The following MBTPS1 variants were observed in gnomAD, a reference collection of about 807,000 sequenced individuals.
The protein encoded by MBTPS1 is membrane bound transcription factor peptidase, site 1, also known as membrane-bound transcription factor site-1 protease.
MBTPS1 carries 94 observed loss-of-function variants against 127.8 expected under a neutral mutation model. The observed-to-expected ratio is 0.74, with a 90% confidence interval of 0.62 to 0.87. The LOEUF is 0.87. Among genes scored for constraint, MBTPS1 ranks in the 40% least tolerant of loss-of-function variants. The pLI is 0.00. For synonymous variants in MBTPS1, 632 were observed against 509.4 expected, an observed-to-expected ratio of 1.24 and a Z score of -3.24; for missense variants, 1,636 against 1,353.2, an observed-to-expected ratio of 1.21 and a Z score of -3.28.
intron 11 of MBTPS1, among the ~76,000 whole-genome samples, chr16:84,080,435 G>C (rs539356300): frequency 6.6e-6 from 1 of 152,368 alleles, no homozygotes; most frequent in South Asian, 2.1e-4. Flanking sequence ...ACAAGACACT[G>C]AGAAGTCACA....
At chr16:84,081,351 AT>A (rs1376773032) in intron 11 of MBTPS1, among the ~76,000 whole-genome samples, 1 of 152,242 alleles carries the variant, frequency 6.6e-6, no homozygotes, top group Non-Finnish European at 1.5e-5. Context: ...CAGTGTTTGT[AT>A]GACAGTTTTA....
At chr16:84,077,457 G>A (rs549804009) in intron 11 of MBTPS1, among the ~76,000 whole-genome samples, 1 of 152,198 alleles carries the variant, frequency 6.6e-6, no homozygotes, top group African/African-American at 2.4e-5. Context: ...TGAAAACTTA[G>A]TACATAATAA....
intron 1 of MBTPS1, among the ~76,000 whole-genome samples, chr16:84,111,466 G>A (rs943295798): frequency 5.9e-5 from 9 of 151,988 alleles, no homozygotes; most frequent in Admixed American, 1.3e-4. Flanking sequence ...ACTTGAACCC[G>A]GGAGGCAGAG....
At chr16:84,091,070 G>A in intron 7 of MBTPS1, 128 bp from the exon 8 acceptor site, 1 of 740,532 alleles carries the variant, frequency 1.4e-6, no homozygotes, top group Non-Finnish European at 2.3e-6. Context: ...CCATTATAAA[G>A]GCGGATGTGC....
intron 11 of MBTPS1, among the ~76,000 whole-genome samples, chr16:84,076,936 C>T (rs2085862372): frequency 6.6e-6 from 1 of 152,028 alleles, no homozygotes; most frequent in Non-Finnish European, 1.5e-5. Context: ...GCAAGAATAG[C>T]CAAGAAGGGC....
chr16:84,089,590 TCCC>T (rs2086075410), intron 8 of MBTPS1, among the ~76,000 whole-genome samples: 1 of 152,158 alleles, frequency 6.6e-6, no homozygotes, highest in Non-Finnish European at 1.5e-5. Context: ...CATGGTGCTC[TCCC>T]CCTGCTGTCT....
chr16:84,114,445 G>T (rs78445284), intron 1 of MBTPS1, among the ~76,000 whole-genome samples: 7,481 of 151,978 alleles, frequency 0.049, 237 homozygotes, highest in Non-Finnish European at 0.076. Flanking sequence ...CATCACTCTT[G>T]TCTCCTTTTA....
At position 84,054,515 on chromosome 16, in the gene MBTPS1, C is replaced by A; in HGVS notation, c.3093G>T (p.Arg1031Ser). ...GCTGCGGGCGCTTCACCCTGGGCTT[C>A]CTCCGCTTCGGCCTGCTCTTGGCCT... Reference protein sequence around the residue: ...INKAKSRPKRRKPRVKRPQLM... With the variant: ...INKAKSRPKRSKPRVKRPQLM... The change falls in exon 23 of 23, where the codon AGG (arginine) becomes AGT (serine). Residue 1031 changes from arginine to serine, a missense_variant. By Grantham distance (110) the Arg-to-Ser change is moderately radical. Transcript: ENST00000343411. 1 of 1,613,892 alleles carries A rather than the reference C, an allele frequency of 6.2e-7. No homozygotes were observed. The highest frequency in any genetic ancestry group is 8.5e-7 in the Non-Finnish European group (1 of 1,179,876).
chr16:84,075,167 G>A (rs2085834989), intron 11 of MBTPS1: 1 of 153,310 alleles, frequency 6.5e-6, no homozygotes, highest in Non-Finnish European at 1.5e-5. Context: ...GAGAGCTTAG[G>A]AAGCTGCGCC....
intron 21 of MBTPS1, chr16:84,058,113 A>G (rs150631220): frequency 5.3e-5 from 8 of 152,226 alleles, no homozygotes; most frequent in African/African-American, 1.9e-4. Flanking sequence ...TGGAATGGAA[A>G]AGTACCCAGT....
chr16:84,081,954 T>C, intron 10 of MBTPS1, 46 bp from the exon 11 acceptor site: 1 of 1,335,700 alleles, frequency 7.5e-7, no homozygotes, highest in Non-Finnish European at 9.7e-7. Context: ...AGTAAAAGAA[T>C]GGAAATTGGA....
intron 12 of MBTPS1, 67 bp from the exon 13 acceptor site, chr16:84,070,843 GA>G: frequency 7.7e-7 from 1 of 1,293,414 alleles, no homozygotes; most frequent in African/African-American, 1.5e-5. Context: ...GTGGAAACCA[GA>G]AAAACTCAAT....
In MBTPS1 at chr16:84,056,040, G is replaced by C. The variant is rs767092640; in HGVS notation, c.2927C>G (p.Ser976Cys). Residue 976 changes from serine to cysteine, a missense_variant, in exon 22 of 23, where the codon TCC becomes TGC. Ser to Cys is a moderately radical substitution (Grantham distance 112). Transcript: ENST00000343411. ...RSNRPQVRPL[S>C]PGESGAWDIP... The stretch of plus-strand genomic sequence containing the variant: ...GTCCCAGGCGCCGCTCTCTCCAGGG[G>C]ACAAGGGCCTCACTTGAGGGCGATT... The C allele has an allele frequency of 6.2e-7, 1 of 1,613,808 alleles. No individual in the cohort carries two copies. The highest frequency in any genetic ancestry group is 1.7e-5 in the Admixed American group (1 of 59,998).
intron 5 of MBTPS1, 83 bp downstream of exon 5, chr16:84,093,628 T>C (rs538278793): frequency 2.2e-5 from 22 of 989,088 alleles, no homozygotes; most frequent in East Asian, 2.0e-4. Flanking sequence ...GTCTGAATAA[T>C]TGCTGGACAG....
intron 3 of MBTPS1, among the ~76,000 whole-genome samples, chr16:84,097,037 C>A (rs1264659080): frequency 2.0e-5 from 3 of 152,194 alleles, no homozygotes; most frequent in Non-Finnish European, 4.4e-5. Flanking sequence ...ATGGCAAGAA[C>A]TGAGGATTAG....
chr16:84,078,202 C>A (rs192879698), intron 11 of MBTPS1, among the ~76,000 whole-genome samples: 39 of 152,330 alleles, frequency 2.6e-4, no homozygotes, highest in African/African-American at 8.9e-4. Context: ...AGCAGTGCTA[C>A]CTTACCTAAC....
chr16:84,097,277 G>C (rs371019118), intron 3 of MBTPS1, among the ~76,000 whole-genome samples: 1 of 152,174 alleles, frequency 6.6e-6, no homozygotes, highest in Non-Finnish European at 1.5e-5. Flanking sequence ...TTAACATTTG[G>C]TTACTTACAA....
Position 84,095,587 on chromosome 16 carries a change from G to T in MBTPS1, c.625+15C>A, listed in dbSNP as rs2086167415. Reference sequence around the variant, plus strand: ...GTATATCCCATAAGCACCTTCCCTGGGTAATAGCACACACCTGTATATCCC... The same window carrying T: ...GTATATCCCATAAGCACCTTCCCTGTGTAATAGCACACACCTGTATATCCC... On this transcript the variant is annotated intron_variant, in intron 4 of 22. Coordinates refer to ENST00000343411, the MANE Select transcript of MBTPS1 (RefSeq NM_003791.4). The T allele has an allele frequency of 1.7e-5, 28 of 1,612,104 alleles. No individual in the cohort carries two copies. The highest frequency in any genetic ancestry group is 2.4e-5 in the Non-Finnish European group (28 of 1,178,682).
rs2086219019 is a variant in MBTPS1, at chr16:84,099,113, G to C, written c.361C>G (p.Pro121Ala). The change falls in exon 3 of 23, where the codon CCA becomes GCA. Residue 121 changes from proline (P) to alanine (A), a missense_variant. Physicochemically the swap from Pro to Ala is conservative, Grantham distance 27. Transcript: ENST00000343411. ...KAGLLTLEDH[P>A]NIKRVTPQRK... ...TGGGGCGTGACCCGTTTGATGTTTG[G>C]ATGATCTTCAAGTGTTAGCAGCCCC... 1 of 1,614,156 alleles carries C rather than the reference G, an allele frequency of 6.2e-7. No individual in the cohort carries two copies. The highest frequency in any genetic ancestry group is 8.5e-7 in the Non-Finnish European group (1 of 1,180,016).
Sources: allele counts gnomAD v4.1 joint callset (sites outside exome capture counted in the v4.1 genomes callset), GRCh38; gene constraint gnomAD v4.1.1; transcripts MANE v1.5; gene names NCBI Gene and HGNC (gene_info 2026-07-23, HGNC 2026-07-21).